The following DSCAM variants were observed in gnomAD, a reference collection of about 807,000 sequenced individuals.
The protein encoded by DSCAM is DS cell adhesion molecule.
A neutral mutation model predicts 217.7 loss-of-function variants in DSCAM; 47 were observed. The observed-to-expected ratio is 0.22, with a 90% CI of 0.17 to 0.28. DSCAM has a LOEUF of 0.28. DSCAM is among the 10% of genes least tolerant of loss of function. The pLI is 1.00. For synonymous variants in DSCAM, 1,056 were observed against 1,015.3 expected, an observed-to-expected ratio of 1.04 and a Z score of -0.76; for missense variants, 2,080 against 2,618.3, an observed-to-expected ratio of 0.79 and a Z score of 4.49.
chr21:40,610,606 TA>T (rs2089300261), intron 3 of DSCAM, among the ~76,000 whole-genome samples: 1 of 152,238 alleles, frequency 6.6e-6, no homozygotes, highest in Admixed American at 6.5e-5. Context: ...CCTCCCCCAA[TA>T]AAAATGCACT....
intron 11 of DSCAM, among the ~76,000 whole-genome samples, chr21:40,252,969 G>T (rs2073325178): frequency 6.6e-6 from 1 of 152,160 alleles, no homozygotes; most frequent in Non-Finnish European, 1.5e-5. Flanking sequence ...ACTCACAGAG[G>T]TTGGGAGTGC....
intron 1 of DSCAM, among the ~76,000 whole-genome samples, chr21:40,822,148 G>A (rs1329465907): frequency 1.3e-5 from 2 of 151,138 alleles, no homozygotes; most frequent in African/African-American, 2.4e-5. Flanking sequence ...GTGAAACCCC[G>A]TCTCTACTAA....
At chr21:40,170,527 G>T (rs1201483054) in intron 15 of DSCAM, among the ~76,000 whole-genome samples, 1 of 152,184 alleles carries the variant, frequency 6.6e-6, no homozygotes, top group East Asian at 1.9e-4. Flanking sequence ...TCCAGAACAG[G>T]AGCCGAGGGA....
intron 1 of DSCAM, among the ~76,000 whole-genome samples, chr21:40,769,715 T>C (rs1255303332): frequency 2.0e-5 from 3 of 152,142 alleles, no homozygotes; most frequent in Non-Finnish European, 4.4e-5. Context: ...GTCTCTGCCT[T>C]CTCCAGTTTT....
chr21:40,391,287 G>T (rs1331575979), intron 3 of DSCAM, among the ~76,000 whole-genome samples: 1 of 152,148 alleles, frequency 6.6e-6, no homozygotes, highest in Non-Finnish European at 1.5e-5. Flanking sequence ...CCAATTTTAC[G>T]CTTAAAAATC....
At chr21:40,591,373 T>C (rs897802242) in intron 3 of DSCAM, among the ~76,000 whole-genome samples, 1 of 152,210 alleles carries the variant, frequency 6.6e-6, no homozygotes, top group Non-Finnish European at 1.5e-5. Context: ...CTCATCACCA[T>C]TGCCAATAAA....
At chr21:40,171,324 C>T (rs549413863) in intron 15 of DSCAM, among the ~76,000 whole-genome samples, 112 of 152,058 alleles carry the variant, frequency 7.4e-4, no homozygotes, top group African/African-American at 1.8e-3. Context: ...GTGATCCGCC[C>T]GCCTCAGCCT....
At chr21:40,075,514 T>G (rs1360432976) in intron 26 of DSCAM, among the ~76,000 whole-genome samples, 2 of 152,334 alleles carry the variant, frequency 1.3e-5, no homozygotes, top group Middle Eastern at 6.8e-3. Flanking sequence ...AAAAGCCACA[T>G]GCATCTACCC....
intron 32 of DSCAM, among the ~76,000 whole-genome samples, chr21:40,017,592 G>A (rs1227980287): frequency 6.7e-6 from 1 of 149,104 alleles, no homozygotes; most frequent in Admixed American, 6.7e-5. Flanking sequence ...ATGGAGTTTT[G>A]CTCTTGTCGC....
intron 32 of DSCAM, 103 bp downstream of exon 32, chr21:40,042,268 C>G: frequency 3.3e-6 from 4 of 1,223,312 alleles, no homozygotes; most frequent in Non-Finnish European, 4.6e-6. Context: ...AACAGAGCAC[C>G]CATTTGGTCT....
chr21:40,240,478 G>C (rs1214931658), intron 11 of DSCAM, among the ~76,000 whole-genome samples: 2 of 145,984 alleles, frequency 1.4e-5, no homozygotes, highest in East Asian at 4.2e-4. Flanking sequence ...CACTTTGTCT[G>C]CCTTTAATAG....
At chr21:40,796,492 G>A (rs2091693165) in intron 1 of DSCAM, among the ~76,000 whole-genome samples, 1 of 152,206 alleles carries the variant, frequency 6.6e-6, no homozygotes, top group Admixed American at 6.5e-5. Flanking sequence ...AGTAGTGGTA[G>A]AATTCACACC....
Position 40,846,943 on chromosome 21 carries a change from C to A in DSCAM, c.-282G>T, listed in dbSNP as rs898751118. 1 of 151,998 alleles carries A rather than the reference C, an allele frequency of 6.6e-6. No homozygotes were observed. The highest frequency in any genetic ancestry group is 2.4e-5 in the African/African-American group (1 of 41,416). 9.4% of individuals were successfully genotyped at this position (151,998 alleles called of 1,614,324 possible). On this transcript the variant is annotated 5_prime_UTR_variant, in exon 1 of 33. Coordinates refer to ENST00000400454, the MANE Select transcript of DSCAM (RefSeq NM_001389.5). Reference sequence around the variant, plus strand: ...AGGTGCGCCGTCAGCTCAGTGGGCCCCCGGCAGGTCGGCAGGTGGAGAGAG... The same window carrying A: ...AGGTGCGCCGTCAGCTCAGTGGGCCACCGGCAGGTCGGCAGGTGGAGAGAG...
intron 3 of DSCAM, among the ~76,000 whole-genome samples, chr21:40,525,025 A>AAAAAAAAAAAAAG: frequency 6.6e-6 from 1 of 151,736 alleles, no homozygotes; most frequent in Non-Finnish European, 1.5e-5. Flanking sequence ...AAAAAAAAAA[A>AAAAAAAAAAAAAG]AAAAAATCCA....
In DSCAM at chr21:40,093,778, T is replaced by C. The variant is rs1266214610; in HGVS notation, c.3793A>G (p.Thr1265Ala). ...RQYSVWVVAV[T>A]SAGRGNSSEI... ...CTGCTGTTGCCTCTTCCGGCTGAAG[T>C]AACAGCCACCACCCAGACGCTGTAC... The change falls in exon 21 of 33, where the codon ACT becomes GCT. Residue 1265 changes from threonine to alanine, a missense_variant. Physicochemically the swap from Thr to Ala is moderately conservative, Grantham distance 58. Transcript: ENST00000400454. 6.2e-7 allele frequency: 1 copy of C among 1,613,982 alleles called. No homozygotes were observed. The highest frequency in any genetic ancestry group is 8.5e-7 in the Non-Finnish European group (1 of 1,179,984).
chr21:40,413,143 C>T lies in DSCAM; in HGVS notation c.509-43898G>A, dbSNP rs1444947722. ...CCCAGGCAGAAGTTTGCTGCAGGGGCAGGGCCCTCATGGAGAACCTCTGCT... is the reference window on the plus strand; with the variant it reads ...CCCAGGCAGAAGTTTGCTGCAGGGGTAGGGCCCTCATGGAGAACCTCTGCT... On this transcript the variant is annotated intron_variant, in intron 3 of 32. Coordinates refer to ENST00000400454, the MANE Select transcript of DSCAM (RefSeq NM_001389.5). Among the ~76,000 whole-genome samples, 16 of 152,352 alleles carry T rather than the reference C, an allele frequency of 1.1e-4. No individual in the cohort carries two copies. In the East Asian group the frequency reaches 3.1e-3, roughly 29 times the overall value.
chr21:40,061,628 C>T (rs147289436), intron 28 of DSCAM, among the ~76,000 whole-genome samples: 12 of 151,582 alleles, frequency 7.9e-5, no homozygotes, highest in South Asian at 2.1e-4. Context: ...GTTTTACCTA[C>T]GATTCACATT....
chr21:40,553,807 T>A (rs1009411337), intron 3 of DSCAM, among the ~76,000 whole-genome samples: 1 of 152,156 alleles, frequency 6.6e-6, no homozygotes, highest in Non-Finnish European at 1.5e-5. Flanking sequence ...GACAGAGTCA[T>A]AGGATCACTA....
chr21:40,236,927 C>G (rs1212865306), intron 11 of DSCAM, among the ~76,000 whole-genome samples: 1 of 152,180 alleles, frequency 6.6e-6, no homozygotes, highest in African/African-American at 2.4e-5. Context: ...CTGACAATGA[C>G]TGAACAACTG....
Sources: gnomAD v4.1 joint callset for allele counts (sites outside exome capture counted in the v4.1 genomes callset) on GRCh38, gnomAD v4.1.1 for gene constraint, MANE v1.5 for transcripts, NCBI Gene and HGNC (gene_info 2026-07-23, HGNC 2026-07-21) for gene names.